ANKS1B: variants seen among roughly 807,000 people sequenced by gnomAD.
The protein encoded by ANKS1B is ankyrin repeat and sterile alpha motif domain-containing protein 1B.
In ANKS1B, 36 loss-of-function variants were observed where a neutral mutation model predicts 148.3. The observed-to-expected ratio is 0.24, with a 90% CI of 0.19 to 0.32. The LOEUF (loss-of-function observed/expected upper bound fraction) is 0.32, where lower values mean the gene tolerates loss of function less well. Ranked by LOEUF, ANKS1B falls within the 10% of genes least tolerant of loss-of-function variation. ANKS1B has a pLI of 1.00. For missense variants in ANKS1B, 1,157 were observed against 1,542.6 expected (o/e 0.75, Z 4.19); for synonymous variants, 542 against 560.8 (o/e 0.97, Z 0.47).
Position 99,195,884 on chromosome 12 carries a change from G to A in ANKS1B, c.2420-41489C>T, listed in dbSNP as rs147903438. Among the ~76,000 whole-genome samples the A allele has an allele frequency of 5.2e-3, 785 of 151,964 alleles. 4 individuals are homozygous for A. Among genetic ancestry groups the A allele is most frequent in the Middle Eastern group, 0.017 (5 of 292 alleles). On this transcript the variant is annotated intron_variant, in intron 14 of 26. Transcript: ENST00000683438. ...TATTGAGAGGTGCAAAATTTAAGGC[G>A]CAAGAAAATATTTAAAAAATTAATC...
intron 15 of ANKS1B, among the ~76,000 whole-genome samples, chr12:99,098,619 CTTTTTTTTTTTTTTTTTTTT>C (rs71081896): frequency 8.7e-4 from 28 of 32,118 alleles, no homozygotes; most frequent in East Asian, 5.7e-3. Flanking sequence ...CTAGGAACTA[CTTTTTTTTTTTTTTTTTTTT>C]TTTTTTTTTT....
At chr12:98,788,226 G>A (rs2098815264) in intron 22 of ANKS1B, among the ~76,000 whole-genome samples, 1 of 137,154 alleles carries the variant, frequency 7.3e-6, no homozygotes, top group Non-Finnish European at 1.5e-5. Flanking sequence ...CCAACATGGT[G>A]AAACCCCCCA....
chr12:98,851,130 A>G (rs915629091), intron 17 of ANKS1B, among the ~76,000 whole-genome samples: 2 of 152,202 alleles, frequency 1.3e-5, no homozygotes, highest in East Asian at 3.9e-4. Context: ...ACATTCATCC[A>G]TCCATTCATT....
chr12:99,768,275 T>C (rs549328591), intron 8 of ANKS1B, among the ~76,000 whole-genome samples: 24 of 152,292 alleles, frequency 1.6e-4, no homozygotes, highest in Admixed American at 1.4e-3. Flanking sequence ...GTAATATAAA[T>C]AACAGACATA....
At chr12:99,332,932 G>A (rs968060245) in intron 12 of ANKS1B, among the ~76,000 whole-genome samples, 1 of 151,868 alleles carries the variant, frequency 6.6e-6, no homozygotes, top group Non-Finnish European at 1.5e-5. Context: ...AGCTTGACAG[G>A]GGCCAGATTT....
Position 99,782,099 on chromosome 12 carries a change from TG to T in ANKS1B, c.670-3del. On this transcript the variant is annotated splice_region_variant and splice_polypyrimidine_tract_variant and intron_variant, in intron 4 of 26. Coordinates refer to ENST00000683438, the MANE Select transcript of ANKS1B (RefSeq NM_001352186.2). ...ATGAAGTGCACTCCCCTTTTCTGTCTGGAAAAAAAAAAGTAAGAAAAAAGAA... is the reference window on the plus strand; with the variant it reads ...ATGAAGTGCACTCCCCTTTTCTGTCTGAAAAAAAAAAGTAAGAAAAAAGAA... The T allele has an allele frequency of 6.3e-7, 1 of 1,589,382 alleles. No homozygotes were observed. Among genetic ancestry groups the T allele is most frequent in the Non-Finnish European group, 8.6e-7 (1 of 1,169,534 alleles).
At chr12:98,955,797 C>A (rs2099861237) in intron 17 of ANKS1B, among the ~76,000 whole-genome samples, 1 of 152,176 alleles carries the variant, frequency 6.6e-6, no homozygotes, top group Non-Finnish European at 1.5e-5. Flanking sequence ...AGATTAGGAA[C>A]TTAGCTTTGG....
At chr12:99,123,035 A>AAAC (rs899656249) in intron 15 of ANKS1B, among the ~76,000 whole-genome samples, 1 of 144,584 alleles carries the variant, frequency 6.9e-6, no homozygotes, top group Admixed American at 7.1e-5. Context: ...TAAACCAACA[A>AAAC]AACAACAACA....
chr12:99,352,723 C>G (rs1015845459), intron 12 of ANKS1B, among the ~76,000 whole-genome samples: 5 of 151,956 alleles, frequency 3.3e-5, no homozygotes, highest in African/African-American at 1.2e-4. Context: ...TTAGAAAGAT[C>G]TTACAAATCC....
chr12:99,638,477 T>C (rs2098266458), intron 9 of ANKS1B, among the ~76,000 whole-genome samples: 1 of 152,170 alleles, frequency 6.6e-6, no homozygotes. Context: ...ACTGGTAGCA[T>C]TTTGCTCCTG....
intron 1 of ANKS1B, among the ~76,000 whole-genome samples, chr12:99,929,379 T>C (rs1027374421): frequency 6.6e-6 from 1 of 152,034 alleles, no homozygotes; most frequent in South Asian, 2.1e-4. Context: ...TTGAGTTCAT[T>C]GTAGATTCTG....
intron 17 of ANKS1B, among the ~76,000 whole-genome samples, chr12:98,940,373 G>T (rs910965476): frequency 6.6e-6 from 1 of 152,166 alleles, no homozygotes; most frequent in Non-Finnish European, 1.5e-5. Context: ...GAGGAGGGGG[G>T]TGCAGAGGGA....
intron 10 of ANKS1B, among the ~76,000 whole-genome samples, chr12:99,503,783 C>T (rs1385779557): frequency 3.9e-5 from 6 of 152,126 alleles, no homozygotes; most frequent in Non-Finnish European, 7.4e-5. Flanking sequence ...AAAAAAAAGC[C>T]TCTCTTCAGA....
chr12:99,924,530 T>A (rs2094440267), intron 1 of ANKS1B, among the ~76,000 whole-genome samples: 1 of 152,132 alleles, frequency 6.6e-6, no homozygotes, highest in Admixed American at 6.6e-5. Context: ...GGTATGAATG[T>A]TTGTGTTCCC....
intron 1 of ANKS1B, among the ~76,000 whole-genome samples, chr12:99,857,427 T>C (rs2089337494): frequency 6.6e-6 from 1 of 152,108 alleles, no homozygotes; most frequent in Non-Finnish European, 1.5e-5. Context: ...TGGTCATGGA[T>C]GGGTAGAATC....
chr12:99,504,680 G>C, intron 9 of ANKS1B, 39 bp from the exon 10 acceptor site: 1 of 1,418,660 alleles, frequency 7.0e-7, no homozygotes, highest in Non-Finnish European at 9.4e-7. Flanking sequence ...TTGTGATGAA[G>C]AAACAGCCTT....
chr12:99,242,549 A>G (rs895858609), intron 14 of ANKS1B, among the ~76,000 whole-genome samples: 5 of 152,024 alleles, frequency 3.3e-5, no homozygotes, highest in African/African-American at 1.2e-4. Context: ...CTACTTTACA[A>G]TTCATATGGA....
At chr12:99,178,289 T>A (rs1000579251) in intron 14 of ANKS1B, among the ~76,000 whole-genome samples, 1 of 152,212 alleles carries the variant, frequency 6.6e-6, no homozygotes, top group Non-Finnish European at 1.5e-5. Context: ...TGTAGGCCAT[T>A]TGGACTCTTT....
chr12:99,826,606 T>C (rs1279268182), intron 1 of ANKS1B, among the ~76,000 whole-genome samples: 3 of 152,186 alleles, frequency 2.0e-5, no homozygotes, highest in Non-Finnish European at 4.4e-5. Context: ...CAAAATCTGC[T>C]GCAGGGAAGA....
Sources: gnomAD v4.1 joint callset for allele counts (sites outside exome capture counted in the v4.1 genomes callset) on GRCh38, gnomAD v4.1.1 for gene constraint, MANE v1.5 for transcripts, NCBI Gene and HGNC (gene_info 2026-07-23, HGNC 2026-07-21) for gene names.